Variants in HLCS observed in about 807,000 individuals in gnomAD.
HLCS encodes biotin--protein ligase.
In HLCS, 53 loss-of-function variants were observed where a neutral mutation model predicts 75.0. The ratio of observed to expected loss-of-function variants is 0.71; its 90% CI spans 0.57 to 0.89. HLCS has a LOEUF of 0.89. HLCS is among the 40% of genes least tolerant of loss of function. The pLI is 0.00. For synonymous variants in HLCS, 431 were observed against 428.6 expected, an observed-to-expected ratio of 1.01 and a Z score of -0.07; for missense variants, 966 against 1,074.0, an observed-to-expected ratio of 0.90 and a Z score of 1.41.
chr21:36,801,647 A>G (rs2061204131), intron 6 of HLCS, among the ~76,000 whole-genome samples: 1 of 152,218 alleles, frequency 6.6e-6, no homozygotes, highest in African/African-American at 2.4e-5. Context: ...GCATGAATGG[A>G]TCTCAGAGAG....
chr21:36,946,001 G>T, intron 2 of HLCS: 1 of 413,224 alleles, frequency 2.4e-6, no homozygotes, highest in Non-Finnish European at 3.3e-6. Context: ...AGAGATAAGA[G>T]CACCTACCTT....
rs1375473152 is a variant in HLCS at position 36,983,056 on chromosome 21, CA to C, written c.-393+7101del. Among the ~76,000 whole-genome samples, 14 of 151,648 alleles carry C rather than the reference CA, an allele frequency of 9.2e-5. No individual in the cohort carries two copies. In the South Asian group the frequency reaches 2.3e-3, roughly 25 times the overall value. The stretch of plus-strand genomic sequence containing the variant: ...CTCAAAAAAAAAACAAAAACAAAAA[CA>C]AAAAAACTCTGGCGTAAGCATGGTG... On this transcript the variant is annotated intron_variant, in intron 1 of 11. Coordinates refer to the HLCS transcript ENST00000336648.
intron 5 of HLCS, among the ~76,000 whole-genome samples, chr21:36,916,196 G>A (rs1404167426): frequency 6.6e-6 from 1 of 152,112 alleles, no homozygotes; most frequent in Non-Finnish European, 1.5e-5. Context: ...CGATACTTGG[G>A]TTAGGAAATT....
intron 6 of HLCS, among the ~76,000 whole-genome samples, chr21:36,852,809 AG>A (rs1366584208): frequency 2.0e-5 from 3 of 152,086 alleles, no homozygotes; most frequent in African/African-American, 7.2e-5. Flanking sequence ...ACCATCCCTC[AG>A]ACACAGGACC....
chr21:36,818,433 A>G (rs1333282869), intron 6 of HLCS, among the ~76,000 whole-genome samples: 1 of 152,212 alleles, frequency 6.6e-6, no homozygotes, highest in East Asian at 1.9e-4. Flanking sequence ...GCAGGTCTTA[A>G]AGAACCCGCT....
chr21:36,790,322 T>C (rs538338358), intron 6 of HLCS, among the ~76,000 whole-genome samples: 143 of 152,290 alleles, frequency 9.4e-4, no homozygotes, highest in Non-Finnish European at 1.6e-3. Context: ...GAGAATTGCT[T>C]GAACCCAGGA....
chr21:36,928,471 G>A (rs2066499448), intron 5 of HLCS, among the ~76,000 whole-genome samples: 1 of 152,216 alleles, frequency 6.6e-6, no homozygotes, highest in Non-Finnish European at 1.5e-5. Flanking sequence ...TCGGGGGGCT[G>A]AGGTGGGAGG....
intron 6 of HLCS, among the ~76,000 whole-genome samples, chr21:36,860,631 A>G (rs2063352884): frequency 6.6e-6 from 1 of 152,258 alleles, no homozygotes; most frequent in Non-Finnish European, 1.5e-5. Context: ...GAGAGGCTGA[A>G]GAAAAAAAGC....
intron 5 of HLCS, among the ~76,000 whole-genome samples, chr21:36,901,517 G>A (rs2065236364): frequency 6.6e-6 from 1 of 152,218 alleles, no homozygotes; most frequent in African/African-American, 2.4e-5. Context: ...CAGTTTTGGA[G>A]GACAGAAGTC....
intron 6 of HLCS, among the ~76,000 whole-genome samples, chr21:36,835,791 G>A (rs1004019489): frequency 3.3e-5 from 5 of 152,156 alleles, no homozygotes; most frequent in African/African-American, 9.7e-5. Flanking sequence ...CATGTTTTGT[G>A]AGCAATGAGG....
intron 1 of HLCS, among the ~76,000 whole-genome samples, chr21:36,978,425 CAG>C (rs2069002982): frequency 6.6e-6 from 1 of 151,396 alleles, no homozygotes; most frequent in South Asian, 2.1e-4. Flanking sequence ...ATCCAGGAAA[CAG>C]AGGTTGCAGT....
At chr21:36,919,381 T>G (rs890877943) in intron 5 of HLCS, among the ~76,000 whole-genome samples, 4 of 152,238 alleles carry the variant, frequency 2.6e-5, no homozygotes, top group African/African-American at 9.6e-5. Flanking sequence ...TGCCATGGTA[T>G]TGCTAGGTAT....
intron 2 of HLCS, among the ~76,000 whole-genome samples, chr21:36,961,612 T>G (rs569995444): frequency 6.6e-6 from 1 of 151,204 alleles, no homozygotes; most frequent in Non-Finnish European, 1.5e-5. Flanking sequence ...ACCCAAAATA[T>G]CCAAAGAGAA....
intron 2 of HLCS, among the ~76,000 whole-genome samples, chr21:36,957,615 T>C (rs376553697): frequency 5.9e-5 from 9 of 152,346 alleles, no homozygotes; most frequent in Middle Eastern, 6.8e-3. Flanking sequence ...ATAAAGTTTA[T>C]GAATCGTCTT....
intron 8 of HLCS, among the ~76,000 whole-genome samples, chr21:36,761,464 G>A (rs1184784672): frequency 1.3e-5 from 2 of 151,978 alleles, no homozygotes; most frequent in East Asian, 3.9e-4. Flanking sequence ...AAGCATGGGG[G>A]GTGCGCAATG....
chr21:36,932,912 G>A (rs1048622328), intron 4 of HLCS, among the ~76,000 whole-genome samples: 7 of 152,270 alleles, frequency 4.6e-5, no homozygotes, highest in Middle Eastern at 3.4e-3. Context: ...GAGGCCAGGA[G>A]TTTGAGACCA....
chr21:36,985,656 C>T (rs1305409177), intron 1 of HLCS, among the ~76,000 whole-genome samples: 1 of 152,058 alleles, frequency 6.6e-6, no homozygotes, highest in Admixed American at 6.6e-5. Context: ...GTCCCAGGTA[C>T]TCAGGAGGCT....
intron 6 of HLCS, among the ~76,000 whole-genome samples, chr21:36,888,292 G>A (rs558106679): frequency 1.3e-5 from 2 of 151,812 alleles, no homozygotes; most frequent in East Asian, 3.9e-4. Context: ...AGAAAAGGGG[G>A]AAAAGATGTT....
chr21:36,811,971 G>A (rs1355249657), intron 6 of HLCS, among the ~76,000 whole-genome samples: 4 of 152,104 alleles, frequency 2.6e-5, no homozygotes, highest in African/African-American at 9.7e-5. Context: ...GGAAAAGCTC[G>A]CCAAGCCCCC....
Sources: allele counts gnomAD v4.1 joint callset (sites outside exome capture counted in the v4.1 genomes callset), GRCh38; gene constraint gnomAD v4.1.1; transcripts MANE v1.5; gene names NCBI Gene and HGNC (gene_info 2026-07-23, HGNC 2026-07-21).